Variants in ADRA1A observed in about 807,000 individuals in gnomAD.
ADRA1A encodes adrenoceptor alpha 1A.
A neutral mutation model predicts 29.6 loss-of-function variants in ADRA1A; 31 were observed. That is an observed-to-expected ratio of 1.05 (90% CI 0.79 to 1.41). The LOEUF is 1.41. Among genes scored for constraint, ADRA1A ranks in the 40% most tolerant of loss-of-function variants. The pLI is 0.00. For missense variants in ADRA1A, 619 were observed against 601.1 expected, an observed-to-expected ratio of 1.03 and a Z score of -0.31; for synonymous variants, 311 against 254.3, an observed-to-expected ratio of 1.22 and a Z score of -2.12.
At chr8:26,836,939 G>A (rs1420944053) in intron 2 of ADRA1A, among the ~76,000 whole-genome samples, 28 of 152,134 alleles carry the variant, frequency 1.8e-4, no homozygotes, top group Admixed American at 1.8e-3. Flanking sequence ...AAGGGCAAAC[G>A]ACCAGCCCAG....
chr8:26,793,663 G>A (rs1043168480), intron 2 of ADRA1A, among the ~76,000 whole-genome samples: 1 of 151,812 alleles, frequency 6.6e-6, no homozygotes, highest in Non-Finnish European at 1.5e-5. Flanking sequence ...GCTGAAAAAA[G>A]TGAAAGCAAT....
rs1489539225 is a variant in ADRA1A, at chr8:26,865,940, C to G, written c.-686-285G>C. ...CCCCAAAACCCCAGGCTCCAGCGCTCGAAGTCTGGATTTCGAGCGCAGGTA... is the reference window on the plus strand; with the variant it reads ...CCCCAAAACCCCAGGCTCCAGCGCTGGAAGTCTGGATTTCGAGCGCAGGTA... On this transcript the variant is annotated intron_variant, in intron 1 of 2. Coordinates refer to ENST00000380573, the MANE Select transcript of ADRA1A (RefSeq NM_000680.4). This position sits in a 1 kb window ranked among gnomAD's most constrained non-coding sequence, Gnocchi z 7.6. 1.3e-5 allele frequency among the ~76,000 whole-genome samples: 2 copies of G among 152,258 alleles called. No individual in the cohort carries two copies. Among genetic ancestry groups the G allele is most frequent in the Non-Finnish European group, 2.9e-5 (2 of 68,012 alleles).
chr8:26,792,544 G>A (rs2130431266), intron 2 of ADRA1A, among the ~76,000 whole-genome samples: 1 of 150,348 alleles, frequency 6.7e-6, no homozygotes, highest in East Asian at 2.0e-4. Context: ...GCACAAAGAA[G>A]ACCTGTAAGT....
intron 2 of ADRA1A, among the ~76,000 whole-genome samples, chr8:26,790,937 C>T (rs1199508700): frequency 5.9e-5 from 9 of 152,136 alleles, no homozygotes; most frequent in African/African-American, 1.9e-4. Context: ...TTTTTACAAT[C>T]TGTGGTATCC....
At position 26,865,203 on chromosome 8, in the gene ADRA1A, C is replaced by T. The variant is rs1813817442; in HGVS notation, c.-234G>A. On this transcript the variant is annotated 5_prime_UTR_variant, in exon 2 of 3. Coordinates refer to ENST00000380573, the MANE Select transcript of ADRA1A (RefSeq NM_000680.4). This position sits in a 1 kb window ranked among gnomAD's most constrained non-coding sequence, Gnocchi z 7.6. ...GGCATTAAAGACATGGCCAGGGGCG[C>T]GCGGGGCTGCCGGGGACCCTCTCCA... 14 of 1,359,876 alleles carry T rather than the reference C, an allele frequency of 1.0e-5. No individual in the cohort carries two copies. Among genetic ancestry groups the T allele is most frequent in the African/African-American group, 2.9e-5 (2 of 68,084 alleles). 84.2% of individuals were successfully genotyped at this position (1,359,876 alleles called of 1,614,324 possible).
chr8:26,766,841 T>C (rs1350569147), downstream of ADRA1A, among the ~76,000 whole-genome samples: 6 of 152,244 alleles, frequency 3.9e-5, no homozygotes, highest in African/African-American at 1.2e-4. Context: ...TGAAGATGCC[T>C]GGCACACTGT....
chr8:26,803,008 G>T (rs954127361), intron 2 of ADRA1A, among the ~76,000 whole-genome samples: 9 of 152,024 alleles, frequency 5.9e-5, no homozygotes, highest in African/African-American at 2.2e-4. Context: ...CATCTATTTT[G>T]GGGAGCTCAA....
intron 2 of ADRA1A, among the ~76,000 whole-genome samples, chr8:26,861,709 C>A (rs1392042314): frequency 2.0e-5 from 3 of 152,298 alleles, no homozygotes; most frequent in Admixed American, 2.0e-4. Context: ...CCACATAACT[C>A]TTTGGTTTTG....
At chr8:26,777,774 G>T (rs1806659501) in intron 2 of ADRA1A, among the ~76,000 whole-genome samples, 1 of 152,246 alleles carries the variant, frequency 6.6e-6, no homozygotes, top group Non-Finnish European at 1.5e-5. Context: ...CATGGCATGG[G>T]AGGGTACAGT....
At chr8:26,754,382 G>A (rs183598077), downstream of ADRA1A, among the ~76,000 whole-genome samples, 363 of 152,036 alleles carry the variant, frequency 2.4e-3, 1 homozygote, top group African/African-American at 8.1e-3. Flanking sequence ...TTAAATGGAA[G>A]GAAAGGTAAT....
intron 2 of ADRA1A, among the ~76,000 whole-genome samples, chr8:26,801,472 C>T (rs1808573754): frequency 6.6e-6 from 1 of 152,016 alleles, no homozygotes; most frequent in Admixed American, 6.6e-5. Flanking sequence ...ATGCCAACAG[C>T]AAACAGTTTG....
At chr8:26,768,756 TA>T, downstream of ADRA1A, 3 of 362,920 alleles carry the variant, frequency 8.3e-6, no homozygotes, top group Non-Finnish European at 7.7e-6. Flanking sequence ...AAAAAATCTG[TA>T]ATCTGAAACA....
intron 2 of ADRA1A, among the ~76,000 whole-genome samples, chr8:26,750,714 A>G (rs1804886057): frequency 6.6e-6 from 1 of 152,244 alleles, no homozygotes; most frequent in South Asian, 2.1e-4. Context: ...ACCCTGAGAC[A>G]GAGCAGCTCA....
In ADRA1A at chr8:26,825,525, A is replaced by G. The variant is rs777798043; in HGVS notation, c.883+38562T>C. ...ATCCCCTAAAGGCCATATTACCCCAACTTCTAGTTGTCAGCTATCCTTGTC... is the reference window on the plus strand; with the variant it reads ...ATCCCCTAAAGGCCATATTACCCCAGCTTCTAGTTGTCAGCTATCCTTGTC... On this transcript the variant is annotated intron_variant, in intron 2 of 2. Coordinates refer to ENST00000380573, the MANE Select transcript of ADRA1A (RefSeq NM_000680.4). The surrounding 1 kb of genome is among the most constrained non-coding windows in gnomAD (Gnocchi z 5.7). Among the ~76,000 whole-genome samples the G allele has an allele frequency of 1.2e-4, 18 of 152,044 alleles. No homozygotes were observed. The highest frequency in any genetic ancestry group is 2.2e-4 in the Non-Finnish European group (15 of 68,022).
At chr8:26,816,047 C>T (rs1234147757) in intron 2 of ADRA1A, among the ~76,000 whole-genome samples, 1 of 152,180 alleles carries the variant, frequency 6.6e-6, no homozygotes, top group African/African-American at 2.4e-5. Context: ...TCCAGAAAGG[C>T]AAGACACAGA....
At chr8:26,813,581 A>G (rs1012539469) in intron 2 of ADRA1A, among the ~76,000 whole-genome samples, 1 of 152,026 alleles carries the variant, frequency 6.6e-6, no homozygotes, top group Non-Finnish European at 1.5e-5. Flanking sequence ...CCTGGATCCC[A>G]GGCTGGTGGG....
At chr8:26,798,783 A>C (rs997468392) in intron 2 of ADRA1A, among the ~76,000 whole-genome samples, 1 of 152,206 alleles carries the variant, frequency 6.6e-6, no homozygotes, top group East Asian at 1.9e-4. Flanking sequence ...GAAACACTTT[A>C]AAACACCACT....
chr8:26,849,196 C>T (rs1024947169), intron 2 of ADRA1A, among the ~76,000 whole-genome samples: 2 of 152,170 alleles, frequency 1.3e-5, no homozygotes, highest in East Asian at 1.9e-4. Flanking sequence ...GATGAATCCT[C>T]GGTTCACATC....
chr8:26,835,506 C>G (rs2019374), intron 2 of ADRA1A, among the ~76,000 whole-genome samples: 31,789 of 152,104 alleles, frequency 0.21, 4,047 homozygotes, highest in African/African-American at 0.36. Context: ...TTCTTCACAG[C>G]GCAGCAGGAG....
Sources: gnomAD v4.1 joint callset for allele counts (sites outside exome capture counted in the v4.1 genomes callset) on GRCh38, gnomAD v4.1.1 for gene constraint, Gnocchi (gnomAD v3.1) non-coding constraint, MANE v1.5 for transcripts, NCBI Gene and HGNC (gene_info 2026-07-23, HGNC 2026-07-21) for gene names.